NKD1: variants seen among roughly 807,000 people sequenced by gnomAD.
NKD1 encodes the protein protein naked cuticle homolog 1.
NKD1 carries 21 observed loss-of-function variants against 56.0 expected under a neutral mutation model. The ratio of observed to expected loss-of-function variants is 0.38; its 90% CI spans 0.27 to 0.54. NKD1 has a LOEUF of 0.54. Among genes scored for constraint, NKD1 ranks in the 20% least tolerant of loss-of-function variants. NKD1 has a pLI of 0.82. For missense variants in NKD1, 578 were observed against 642.7 expected (o/e 0.90, Z 1.09); for synonymous variants, 263 against 265.7 (o/e 0.99, Z 0.10).
At chr16:50,563,339 A>C (rs1219908244) in intron 3 of NKD1, among the ~76,000 whole-genome samples, 2 of 148,786 alleles carry the variant, frequency 1.3e-5, no homozygotes, top group Non-Finnish European at 3.0e-5. Context: ...GTCAGGCTAA[A>C]CTCCATCCTC....
chr16:50,585,965 T>C (rs528429614), intron 3 of NKD1, among the ~76,000 whole-genome samples: 2 of 152,264 alleles, frequency 1.3e-5, no homozygotes, highest in East Asian at 3.9e-4. Flanking sequence ...GATGTGGTGC[T>C]TACAGCATGC....
At chr16:50,560,823 C>CATCTATCTATCTATCTATCT (rs150440223) in intron 3 of NKD1, among the ~76,000 whole-genome samples, 3,079 of 148,626 alleles carry the variant, frequency 0.021, 44 homozygotes, top group Admixed American at 0.026. Flanking sequence ...TACCCAAACC[C>CATCTATCTATCTATCTATCT]ATCTATCTAT....
chr16:50,552,526 G>C (rs1237492666), intron 3 of NKD1: 1 of 152,230 alleles, frequency 6.6e-6, no homozygotes, highest in Non-Finnish European at 1.5e-5. Context: ...TTGCCTGCAG[G>C]GTCCTGAGAT....
intron 3 of NKD1, among the ~76,000 whole-genome samples, chr16:50,578,719 G>A (rs1160232842): frequency 6.6e-6 from 1 of 152,136 alleles, no homozygotes; most frequent in African/African-American, 2.4e-5. Flanking sequence ...CAGGTGATCA[G>A]GAGGCCTTCT....
Position 50,548,507 on chromosome 16 carries a change from G to C in NKD1, c.-47G>C. 7.1e-7 allele frequency: 1 copy of C among 1,416,744 alleles called. No homozygotes were observed. The highest frequency in any genetic ancestry group is 9.2e-7 in the Non-Finnish European group (1 of 1,085,906). The allele number at this position is 1,416,744 out of a possible 1,614,324, so 87.8% of individuals were successfully genotyped here. On this transcript the variant is annotated 5_prime_UTR_variant, in exon 1 of 10. Coordinates refer to ENST00000268459, the MANE Select transcript of NKD1 (RefSeq NM_033119.5). ...AGCCAAGGGAGGCGCCAGGCCCGCG[G>C]GCCGGGCGCATGGCTTAGGGACGCT...
chr16:50,637,163 C>T lies in NKD1; in HGVS notation c.*3382C>T, dbSNP rs1238760885. The T allele has an allele frequency of 6.6e-6, 1 of 152,248 alleles. No homozygotes were observed. The highest frequency in any genetic ancestry group is 1.5e-5 in the Non-Finnish European group (1 of 68,078). 9.4% of individuals were successfully genotyped at this position (152,248 alleles called of 1,614,324 possible). On this transcript the variant is annotated 3_prime_UTR_variant, in exon 10 of 10. Coordinates refer to ENST00000268459, the MANE Select transcript of NKD1 (RefSeq NM_033119.5). ...GCTGAGAGTCCTTGCATACAGCTCT[C>T]CCGGTGCCCACAGGCAGGAACACAG... is the stretch of plus-strand genomic sequence containing the variant.
chr16:50,594,466 G>A (rs905329873), intron 3 of NKD1, among the ~76,000 whole-genome samples: 7 of 152,216 alleles, frequency 4.6e-5, no homozygotes, highest in Non-Finnish European at 5.9e-5. Context: ...TGAGGGTCAC[G>A]TGCTAGTGAT....
chr16:50,607,609 C>CT (rs1183911946), intron 3 of NKD1: 1 of 154,176 alleles, frequency 6.5e-6, no homozygotes, highest in Non-Finnish European at 1.4e-5. Flanking sequence ...GCTCCATGGT[C>CT]TAAATAAGTT....
rs114714120 is a variant in NKD1, at chr16:50,608,396, C to T, written c.259+36C>T. On this transcript the variant is annotated intron_variant, in intron 4 of 9. Transcript: ENST00000268459. ...TCCATTGCTCTCTTCCCAGCAGCAG[C>T]GAGTGGGGGAAGCGGGTGTTCAGCT... 84 of 1,485,236 alleles carry T rather than the reference C, an allele frequency of 5.7e-5. No homozygotes were observed. The African/African-American group carries it at 1.0e-3, about 18-fold the overall frequency. The allele number at this position is 1,485,236 out of a possible 1,614,324, so 92.0% of individuals were successfully genotyped here. A position where few individuals can be genotyped will look rare whatever the true frequency, so the allele number is the denominator to read the frequency against.
chr16:50,582,563 G>T (rs1172860656), intron 3 of NKD1, among the ~76,000 whole-genome samples: 1 of 152,216 alleles, frequency 6.6e-6, no homozygotes, highest in African/African-American at 2.4e-5. Context: ...TCGTGACACA[G>T]CAGGGATTCT....
rs371798381 is a variant in NKD1 at position 50,646,659 on chromosome 16, C to T, written c.*12878C>T. 2 of 152,168 alleles carry T rather than the reference C, an allele frequency of 1.3e-5. No homozygotes were observed. Among genetic ancestry groups the T allele is most frequent in the African/African-American group, 2.4e-5 (1 of 41,392 alleles). 9.4% of individuals were successfully genotyped at this position (152,168 alleles called of 1,614,324 possible). ...TGGGGAAAACAAGAACACTGTCACT[C>T]GTAATGGGCATGAAAGGACACTTCA... On this transcript the variant is annotated 3_prime_UTR_variant, in exon 10 of 10. Transcript: ENST00000268459.
chr16:50,592,782 G>A (rs1454307637), intron 3 of NKD1, among the ~76,000 whole-genome samples: 4 of 152,102 alleles, frequency 2.6e-5, no homozygotes, highest in Admixed American at 2.0e-4. Context: ...GATGGGGAGG[G>A]GGAGGGGGCG....
chr16:50,648,455 A>C lies in NKD1; in HGVS notation c.*14674A>C, dbSNP rs1962720675. ...TGGGGTCAGATGGATAATTGCCATC[A>C]TCCTCACCAAGTTGCCACTGGACTT... is the stretch of plus-strand genomic sequence containing the variant. On this transcript the variant is annotated 3_prime_UTR_variant, in exon 10 of 10. Coordinates refer to ENST00000268459, the MANE Select transcript of NKD1 (RefSeq NM_033119.5). 6.6e-6 allele frequency: 1 copy of C among 152,508 alleles called. No individual in the cohort carries two copies. The highest frequency in any genetic ancestry group is 1.5e-5 in the Non-Finnish European group (1 of 68,038). 9.4% of individuals were successfully genotyped at this position (152,508 alleles called of 1,614,324 possible). A position where few individuals can be genotyped will look rare whatever the true frequency, so the allele number is the denominator to read the frequency against.
At chr16:50,622,092 G>A (rs1482194175) in intron 5 of NKD1, among the ~76,000 whole-genome samples, 1 of 152,204 alleles carries the variant, frequency 6.6e-6, no homozygotes, top group Non-Finnish European at 1.5e-5. Flanking sequence ...GCCTGTGGGG[G>A]ATCTCAGGTG....
intron 8 of NKD1, among the ~76,000 whole-genome samples, chr16:50,631,561 G>T (rs1962346885): frequency 6.6e-6 from 1 of 152,214 alleles, no homozygotes; most frequent in Non-Finnish European, 1.5e-5. Flanking sequence ...CAGGGTCACA[G>T]CCAGGTGTGG....
At chr16:50,579,281 C>T (rs984183639) in intron 3 of NKD1, among the ~76,000 whole-genome samples, 34 of 148,604 alleles carry the variant, frequency 2.3e-4, no homozygotes, top group African/African-American at 8.5e-4. Context: ...TAACCCGCCA[C>T]GCATGCCCTG....
chr16:50,565,518 A>G (rs912521518), intron 3 of NKD1, among the ~76,000 whole-genome samples: 4 of 152,050 alleles, frequency 2.6e-5, no homozygotes, highest in Non-Finnish European at 4.4e-5. Context: ...ATCTCTTAAA[A>G]TAACAACAGT....
At chr16:50,560,004 GT>G (rs985661741) in intron 3 of NKD1, among the ~76,000 whole-genome samples, 1 of 152,220 alleles carries the variant, frequency 6.6e-6, no homozygotes, top group African/African-American at 2.4e-5. Flanking sequence ...CAGTGAGTGG[GT>G]TTGGGGGTGC....
At chr16:50,590,859 C>T (rs1961351108) in intron 3 of NKD1, among the ~76,000 whole-genome samples, 1 of 152,114 alleles carries the variant, frequency 6.6e-6, no homozygotes, top group Non-Finnish European at 1.5e-5. Flanking sequence ...ACTTTGTTGC[C>T]CAGGCTGGAG....
Sources: gnomAD v4.1 joint callset for allele counts (sites outside exome capture counted in the v4.1 genomes callset) on GRCh38, gnomAD v4.1.1 for gene constraint, MANE v1.5 for transcripts, NCBI Gene and HGNC (gene_info 2026-07-23, HGNC 2026-07-21) for gene names.